The following STAM variants were observed in gnomAD, a reference collection of about 807,000 sequenced individuals.
STAM encodes the protein signal transducing adapter molecule 1.
STAM carries 16 observed loss-of-function variants against 63.4 expected under a neutral mutation model. The observed-to-expected ratio is 0.25, with a 90% CI of 0.17 to 0.38. The LOEUF (loss-of-function observed/expected upper bound fraction) is 0.38, where lower values mean the gene tolerates loss of function less well. STAM is among the 10% of genes least tolerant of loss of function. STAM has a pLI of 1.00. For synonymous variants in STAM, 238 were observed against 223.9 expected (o/e 1.06, Z -0.56); for missense variants, 636 against 657.1 (o/e 0.97, Z 0.35).
intron 6 of STAM, among the ~76,000 whole-genome samples, chr10:17,693,888 T>C (rs1400565776): frequency 1.3e-5 from 2 of 149,244 alleles, no homozygotes; most frequent in East Asian, 3.9e-4. Flanking sequence ...GTTAAATGGT[T>C]GTTATGATTT....
intron 8 of STAM, among the ~76,000 whole-genome samples, chr10:17,699,564 C>T (rs1432260214): frequency 6.6e-6 from 1 of 152,150 alleles, no homozygotes; most frequent in African/African-American, 2.4e-5. Flanking sequence ...TCAATGACCA[C>T]TTTTTAATGT....
chr10:17,664,509 T>C (rs1202723736), intron 2 of STAM, among the ~76,000 whole-genome samples: 1 of 152,142 alleles, frequency 6.6e-6, no homozygotes, highest in African/African-American at 2.4e-5. Flanking sequence ...GGACAACTTA[T>C]AGAAATCTGG....
chr10:17,705,328 T>C (rs1836212828), intron 11 of STAM, among the ~76,000 whole-genome samples: 1 of 152,234 alleles, frequency 6.6e-6, no homozygotes, highest in African/African-American at 2.4e-5. Flanking sequence ...ATGACCCATA[T>C]GTTAGTAACT....
At position 17,716,619 on chromosome 10, in the gene STAM, C is replaced by T. The variant is rs369669679; in HGVS notation, c.*1839C>T. Among the ~76,000 whole-genome samples, 17 of 152,088 alleles carry T rather than the reference C, an allele frequency of 1.1e-4. No homozygotes were observed. Among genetic ancestry groups the T allele is most frequent in the East Asian group, 3.8e-4 (2 of 5,200 alleles). ...TTGTCTTTTGATAAATTCCTGTTTA[C>T]CAATGTTAAATGTATCATTTTCCCA... is the stretch of plus-strand genomic sequence containing the variant. On this transcript the variant is annotated 3_prime_UTR_variant, in exon 14 of 14. Coordinates refer to ENST00000377524, the MANE Select transcript of STAM (RefSeq NM_003473.4).
intron 10 of STAM, among the ~76,000 whole-genome samples, chr10:17,704,756 A>T (rs1214751753): frequency 5.9e-5 from 9 of 152,176 alleles, no homozygotes; most frequent in African/African-American, 2.2e-4. Flanking sequence ...GAAAAATGGC[A>T]CTTTAAGATT....
At chr10:17,650,430 C>T (rs1442310980) in intron 1 of STAM, among the ~76,000 whole-genome samples, 4 of 152,186 alleles carry the variant, frequency 2.6e-5, no homozygotes, top group Non-Finnish European at 5.9e-5. Context: ...TGTTCAAAAC[C>T]ATTTGAAATT....
At chr10:17,659,724 A>G (rs1834087941) in intron 1 of STAM, among the ~76,000 whole-genome samples, 3 of 151,892 alleles carry the variant, frequency 2.0e-5, no homozygotes, top group Admixed American at 2.0e-4. Flanking sequence ...CGGCCTCCCA[A>G]AATGCTGGGA....
At position 17,688,710 on chromosome 10, in the gene STAM, G is replaced by C. The variant is rs1273516490; in HGVS notation, c.444+537G>C. Among the ~76,000 whole-genome samples, 3 of 151,770 alleles carry C rather than the reference G, an allele frequency of 2.0e-5. No individual in the cohort carries two copies. In the South Asian group the frequency reaches 6.2e-4, roughly 32 times the overall value. On this transcript the variant is annotated intron_variant, in intron 5 of 13. Coordinates refer to ENST00000377524, the MANE Select transcript of STAM (RefSeq NM_003473.4). ...ACTCCTGACCTCAGGTGTTCTGCCC[G>C]CCTCGGCCTCCCAAAGTGCTAGGAT...
chr10:17,700,345 G>A, intron 9 of STAM, 66 bp downstream of exon 9: 1 of 1,265,638 alleles, frequency 7.9e-7, no homozygotes, highest in Non-Finnish European at 1.1e-6. Flanking sequence ...TTTGCTTTAA[G>A]AAAAAATTGA....
At chr10:17,666,030 CTA>C (rs1197188736) in intron 2 of STAM, among the ~76,000 whole-genome samples, 3 of 152,080 alleles carry the variant, frequency 2.0e-5, no homozygotes, top group African/African-American at 4.8e-5. Flanking sequence ...AATAATTTTT[CTA>C]TGTTAGTGTT....
chr10:17,690,650 C>G (rs1006033124), intron 5 of STAM, among the ~76,000 whole-genome samples: 1 of 152,122 alleles, frequency 6.6e-6, no homozygotes, highest in African/African-American at 2.4e-5. Context: ...TTTCATCAGA[C>G]TAGATTTTTG....
chr10:17,701,716 G>A (rs1333025992), intron 9 of STAM, among the ~76,000 whole-genome samples: 2 of 151,932 alleles, frequency 1.3e-5, no homozygotes, highest in African/African-American at 2.4e-5. Context: ...TACCATTTTC[G>A]TTTTTACCCC....
At chr10:17,700,039 C>A in intron 8 of STAM, 152 bp from the exon 9 acceptor site, 1 of 525,246 alleles carries the variant, frequency 1.9e-6, no homozygotes. Flanking sequence ...TTATTACTGC[C>A]AAAATCTGCA....
chr10:17,711,105 A>T (rs573218156), intron 13 of STAM, among the ~76,000 whole-genome samples: 1 of 152,146 alleles, frequency 6.6e-6, no homozygotes, highest in African/African-American at 2.4e-5. Context: ...GTCAGTGAGG[A>T]TTGTTGTTGT....
intron 9 of STAM, among the ~76,000 whole-genome samples, chr10:17,702,078 C>A (rs1564567170): frequency 1.3e-5 from 2 of 152,124 alleles, no homozygotes; most frequent in African/African-American, 4.8e-5. Flanking sequence ...AACAAAATTT[C>A]TCCTCACTTT....
chr10:17,677,461 A>T (rs1834901798), intron 2 of STAM, among the ~76,000 whole-genome samples: 1 of 152,148 alleles, frequency 6.6e-6, no homozygotes, highest in African/African-American at 2.4e-5. Flanking sequence ...TCTGGCCTTT[A>T]CCATGCATTG....
At chr10:17,691,267 C>G (rs1207561415) in intron 5 of STAM, among the ~76,000 whole-genome samples, 1 of 152,144 alleles carries the variant, frequency 6.6e-6, no homozygotes, top group Non-Finnish European at 1.5e-5. Flanking sequence ...GCCTGTAATC[C>G]TAGCACTTTG....
At chr10:17,685,611 C>T (rs1376421330) in intron 4 of STAM, among the ~76,000 whole-genome samples, 3 of 152,158 alleles carry the variant, frequency 2.0e-5, no homozygotes, top group Non-Finnish European at 4.4e-5. Flanking sequence ...TGTTTAGCAA[C>T]ATACTTGATC....
intron 9 of STAM, among the ~76,000 whole-genome samples, chr10:17,702,193 TTAA>T (rs1303373171): frequency 6.6e-6 from 1 of 152,136 alleles, no homozygotes; most frequent in African/African-American, 2.4e-5. Flanking sequence ...CCTTTGCATA[TTAA>T]TAATAATAAT....
Sources: gnomAD v4.1 joint callset for allele counts (sites outside exome capture counted in the v4.1 genomes callset) on GRCh38, gnomAD v4.1.1 for gene constraint, MANE v1.5 for transcripts, NCBI Gene and HGNC (gene_info 2026-07-23, HGNC 2026-07-21) for gene names.